The following KIAA0825 variants were observed in gnomAD, a reference collection of about 807,000 sequenced individuals.
KIAA0825 encodes uncharacterized protein KIAA0825.
KIAA0825 carries 119 observed loss-of-function variants against 147.6 expected under a neutral mutation model. The ratio of observed to expected loss-of-function variants is 0.81; its 90% confidence interval spans 0.69 to 0.94. The LOEUF is 0.94. Among genes scored for constraint, KIAA0825 ranks in the 40% least tolerant of loss-of-function variants. The pLI, the probability that KIAA0825 is intolerant of heterozygous loss-of-function variation, is 0.00. For synonymous variants in KIAA0825, 470 were observed against 518.1 expected, an observed-to-expected ratio of 0.91 and a Z score of 1.26; for missense variants, 1,381 against 1,472.7, an observed-to-expected ratio of 0.94 and a Z score of 1.02.
intron 20 of KIAA0825, among the ~76,000 whole-genome samples, chr5:94,217,817 TGTGAATAATACTTAGATTCACTTATAA>T (rs1178583822): frequency 2.6e-5 from 4 of 152,184 alleles, no homozygotes; most frequent in Non-Finnish European, 5.9e-5. Flanking sequence ...TAAGGGATTG[TGTGAATAATACTTAGATTCACTTATAA>T]GGCAATACGT....
At chr5:94,428,248 A>T (rs73142997) in intron 14 of KIAA0825, among the ~76,000 whole-genome samples, 7 of 151,832 alleles carry the variant, frequency 4.6e-5, no homozygotes, top group African/African-American at 1.7e-4. Flanking sequence ...TAGGCCATTT[A>T]CATTCAAGGT....
intron 1 of KIAA0825, among the ~76,000 whole-genome samples, chr5:94,607,692 T>C (rs1787751525): frequency 6.6e-6 from 1 of 152,178 alleles, no homozygotes; most frequent in South Asian, 2.1e-4. Flanking sequence ...ACCACAAATT[T>C]ATCGGCATAA....
chr5:94,200,969 A>ATATATATG (rs1562309723), intron 20 of KIAA0825, among the ~76,000 whole-genome samples: 1 of 144,200 alleles, frequency 6.9e-6, no homozygotes, highest in African/African-American at 2.5e-5. Flanking sequence ...ATATATATAT[A>ATATATATG]TATATATATA....
chr5:94,592,722 A>T, intron 1 of KIAA0825: 1 of 297,794 alleles, frequency 3.4e-6, no homozygotes, highest in Non-Finnish European at 6.4e-6. Flanking sequence ...TGCACCTGAC[A>T]ACTAGTTACA....
intron 20 of KIAA0825, among the ~76,000 whole-genome samples, chr5:94,195,617 A>G (rs190176128): frequency 2.0e-5 from 3 of 152,016 alleles, no homozygotes; most frequent in African/African-American, 7.2e-5. Context: ...AATTCACTAC[A>G]CAAATTCTGA....
At chr5:94,458,167 C>T (rs1288907937) in intron 12 of KIAA0825, among the ~76,000 whole-genome samples, 2 of 152,076 alleles carry the variant, frequency 1.3e-5, no homozygotes, top group Non-Finnish European at 2.9e-5. Flanking sequence ...TTTCAAAAAC[C>T]GGCATTATAC....
intron 20 of KIAA0825, among the ~76,000 whole-genome samples, chr5:94,174,759 C>G (rs1768935644): frequency 6.6e-6 from 1 of 152,152 alleles, no homozygotes; most frequent in African/African-American, 2.4e-5. Flanking sequence ...GTTACCAACC[C>G]TATCAGTCCA....
chr5:94,592,429 T>C (rs928098872), intron 1 of KIAA0825, among the ~76,000 whole-genome samples: 3 of 152,222 alleles, frequency 2.0e-5, no homozygotes, highest in South Asian at 4.2e-4. Flanking sequence ...CATTTTTTCC[T>C]GGTCTGGGGG....
chr5:94,361,940 T>A (rs29963), intron 20 of KIAA0825, among the ~76,000 whole-genome samples: 60,466 of 151,864 alleles, frequency 0.4, 12,355 homozygotes, highest in African/African-American at 0.47. Flanking sequence ...TGAAGAACAG[T>A]GTGTGCAGAA....
chr5:94,504,829 C>T (rs1361751690), intron 5 of KIAA0825, among the ~76,000 whole-genome samples: 2 of 150,010 alleles, frequency 1.3e-5, no homozygotes, highest in African/African-American at 2.4e-5. Context: ...CTTACTGCAA[C>T]CTCTGCTTCC....
intron 20 of KIAA0825, among the ~76,000 whole-genome samples, chr5:94,208,992 T>C (rs1229833460): frequency 1.3e-5 from 2 of 152,238 alleles, no homozygotes; most frequent in Non-Finnish European, 2.9e-5. Flanking sequence ...GGGATATTGG[T>C]CTGTGCATTT....
chr5:94,457,682 G>A (rs1328634077), intron 12 of KIAA0825, among the ~76,000 whole-genome samples: 2 of 152,184 alleles, frequency 1.3e-5, no homozygotes, highest in African/African-American at 4.8e-5. Context: ...TTGGGCTTAT[G>A]TAGCCAGATG....
chr5:94,202,311 G>A (rs1771771806), intron 20 of KIAA0825, among the ~76,000 whole-genome samples: 1 of 152,206 alleles, frequency 6.6e-6, no homozygotes, highest in South Asian at 2.1e-4. Flanking sequence ...TAGTGGTGGG[G>A]AAGATTAGAG....
At chr5:94,484,462 G>A (rs1762821282) in intron 6 of KIAA0825, among the ~76,000 whole-genome samples, 1 of 151,710 alleles carries the variant, frequency 6.6e-6, no homozygotes, top group Non-Finnish European at 1.5e-5. Context: ...AGACCACCCA[G>A]TCTGCTTATT....
chr5:94,471,765 G>A (rs1761235472), intron 8 of KIAA0825, 34 bp from the exon 9 acceptor site: 15 of 1,544,900 alleles, frequency 9.7e-6, no homozygotes, highest in Non-Finnish European at 1.2e-5. Context: ...TGAGTTATTT[G>A]TATTCTGACA....
intron 20 of KIAA0825, among the ~76,000 whole-genome samples, chr5:94,165,889 T>C (rs940626995): frequency 6.6e-6 from 1 of 152,190 alleles, no homozygotes; most frequent in Non-Finnish European, 1.5e-5. Flanking sequence ...GAGGTGGGTA[T>C]AGTTAATGGG....
chr5:94,408,633 A>G (rs1752382285), intron 15 of KIAA0825, among the ~76,000 whole-genome samples: 1 of 152,034 alleles, frequency 6.6e-6, no homozygotes, highest in African/African-American at 2.4e-5. Context: ...TTGGCCTGCT[A>G]AAGTGTTGGG....
chr5:94,387,441 C>A (rs987304931), intron 18 of KIAA0825, among the ~76,000 whole-genome samples: 1 of 152,136 alleles, frequency 6.6e-6, no homozygotes, highest in African/African-American at 2.4e-5. Context: ...CACCTGTAAT[C>A]CCAGCACTTT....
chr5:94,560,333 A>G (rs1164088438), intron 2 of KIAA0825, among the ~76,000 whole-genome samples: 1 of 152,206 alleles, frequency 6.6e-6, no homozygotes, highest in Non-Finnish European at 1.5e-5. Flanking sequence ...CAGAGGGCCA[A>G]CGAAAACTCA....
Sources: allele counts gnomAD v4.1 joint callset (sites outside exome capture counted in the v4.1 genomes callset), GRCh38; gene constraint gnomAD v4.1.1; transcripts MANE v1.5; gene names NCBI Gene and HGNC (gene_info 2026-07-23, HGNC 2026-07-21).